PTPN2: variants seen among roughly 807,000 people sequenced by gnomAD.
The protein encoded by PTPN2 is tyrosine-protein phosphatase non-receptor type 2.
In PTPN2, 19 loss-of-function variants were observed where a neutral mutation model predicts 57.3. The ratio of observed to expected loss-of-function variants is 0.33; its 90% confidence interval spans 0.23 to 0.49. The LOEUF is 0.49. Among genes scored for constraint, PTPN2 ranks in the 20% least tolerant of loss-of-function variants. The pLI, the probability that PTPN2 is intolerant of heterozygous loss-of-function variation, is 0.99. For synonymous variants in PTPN2, 153 were observed against 164.9 expected, an observed-to-expected ratio of 0.93 and a Z score of 0.55; for missense variants, 358 against 501.1, an observed-to-expected ratio of 0.71 and a Z score of 2.73.
intron 1 of PTPN2, among the ~76,000 whole-genome samples, chr18:12,873,055 T>C (rs1392427438): frequency 6.6e-6 from 1 of 152,100 alleles, no homozygotes; most frequent in Admixed American, 6.6e-5. Context: ...ACCCCATCTC[T>C]ACTAAAAATA....
At position 12,851,575 on chromosome 18, in the gene PTPN2, T is replaced by C. The variant is rs1051917577; in HGVS notation, c.160+7589A>G. On this transcript the variant is annotated intron_variant, in intron 2 of 8. Transcript: ENST00000309660. ...TGTCTTATTAAGAAGCCCATGAACATGGATTTGTCAATTTCTCCCCAAAAT... is the reference window on the plus strand; with the variant it reads ...TGTCTTATTAAGAAGCCCATGAACACGGATTTGTCAATTTCTCCCCAAAAT... Among the ~76,000 whole-genome samples, 4 of 152,192 alleles carry C rather than the reference T, an allele frequency of 2.6e-5. No individual in the cohort carries two copies. The South Asian group carries it at 8.3e-4, about 32-fold the overall frequency.
At chr18:12,788,541 G>A (rs987098931), downstream of PTPN2, among the ~76,000 whole-genome samples, 3 of 147,958 alleles carry the variant, frequency 2.0e-5, no homozygotes, top group Non-Finnish European at 4.4e-5. Context: ...CCAAAGTACT[G>A]GGATTACAGG....
intron 8 of PTPN2, 23 bp from the exon 9 acceptor site, chr18:12,794,508 G>A (rs996595687): frequency 1.2e-6 from 2 of 1,608,168 alleles, no homozygotes; most frequent in Non-Finnish European, 8.5e-7. Flanking sequence ...AAAAACAAGT[G>A]AAAGGAAGTG....
intron 2 of PTPN2, among the ~76,000 whole-genome samples, chr18:12,849,946 A>T (rs1389204106): frequency 6.6e-6 from 1 of 152,020 alleles, no homozygotes; most frequent in Non-Finnish European, 1.5e-5. Context: ...ACCTGTATTT[A>T]TGTGCCCACT....
intron 1 of PTPN2, among the ~76,000 whole-genome samples, chr18:12,868,365 C>T (rs968994186): frequency 3.9e-5 from 6 of 152,092 alleles, no homozygotes; most frequent in African/African-American, 1.2e-4. Flanking sequence ...GTGAATTCTC[C>T]TGCCTCAGCC....
intron 1 of PTPN2, chr18:12,863,809 A>G (rs2043900614): frequency 6.6e-6 from 1 of 152,206 alleles, no homozygotes; most frequent in Non-Finnish European, 1.5e-5. Flanking sequence ...TTTAAAGTAT[A>G]ATTTAACCAA....
At chr18:12,802,297 T>C in intron 7 of PTPN2, 146 bp from the exon 8 acceptor site, 2 of 656,842 alleles carry the variant, frequency 3.0e-6, no homozygotes, top group Non-Finnish European at 4.9e-6. Flanking sequence ...AAAGGCATTT[T>C]GCCATACTGT....
intron 2 of PTPN2, among the ~76,000 whole-genome samples, chr18:12,858,644 A>G (rs574546252): frequency 1.3e-5 from 2 of 152,348 alleles, no homozygotes; most frequent in Admixed American, 1.3e-4. Flanking sequence ...TTTAAAGTAC[A>G]TGTTTATTTT....
intron 1 of PTPN2, among the ~76,000 whole-genome samples, chr18:12,870,800 C>T (rs1388772007): frequency 1.3e-5 from 2 of 151,808 alleles, no homozygotes; most frequent in Non-Finnish European, 2.9e-5. Flanking sequence ...TGAGCCACCG[C>T]GCCCGGCAGC....
chr18:12,830,823 G>A (rs898023641), intron 4 of PTPN2, 120 bp downstream of exon 4: 9 of 647,978 alleles, frequency 1.4e-5, no homozygotes, highest in African/African-American at 7.3e-5. Context: ...CACTTTGACC[G>A]CTAGCCTTTA....
chr18:12,876,685 G>A (rs78860882), intron 1 of PTPN2, among the ~76,000 whole-genome samples: 1 of 152,134 alleles, frequency 6.6e-6, no homozygotes, highest in Non-Finnish European at 1.5e-5. Context: ...TTTACCTTTT[G>A]AGGGATCACA....
intron 8 of PTPN2, among the ~76,000 whole-genome samples, chr18:12,801,174 A>T (rs1366940475): frequency 6.6e-6 from 1 of 152,232 alleles, no homozygotes; most frequent in East Asian, 1.9e-4. Flanking sequence ...CCTTAAGAAC[A>T]CCTTTGTCAT....
At chr18:12,789,064 A>G (rs1374960710), downstream of PTPN2, among the ~76,000 whole-genome samples, 1 of 152,220 alleles carries the variant, frequency 6.6e-6, no homozygotes, top group Non-Finnish European at 1.5e-5. Context: ...GGAACTGGAG[A>G]GCTCTTGGTA....
intron 4 of PTPN2, 122 bp from the exon 5 acceptor site, chr18:12,826,066 A>G (rs1480935697): frequency 2.7e-6 from 2 of 747,388 alleles, no homozygotes; most frequent in Non-Finnish European, 4.2e-6. Context: ...CCCAAAACTA[A>G]GAAGTCACTA....
At chr18:12,795,299 G>C (rs1051010464) in intron 8 of PTPN2, among the ~76,000 whole-genome samples, 1 of 152,092 alleles carries the variant, frequency 6.6e-6, no homozygotes, top group African/African-American at 2.4e-5. Flanking sequence ...TTGGGGTGGT[G>C]GGGGAGGCGG....
intron 1 of PTPN2, among the ~76,000 whole-genome samples, chr18:12,867,444 AC>A: frequency 6.6e-6 from 1 of 152,292 alleles, no homozygotes; most frequent in East Asian, 1.9e-4. Flanking sequence ...CAGTATCAGT[AC>A]TTTTTTTTTT....
At chr18:12,799,408 C>T (rs564891385) in intron 8 of PTPN2, among the ~76,000 whole-genome samples, 1 of 150,152 alleles carries the variant, frequency 6.7e-6, no homozygotes, top group Admixed American at 6.6e-5. Context: ...CAGAGCAAGA[C>T]TCCGTCTCAG....
In PTPN2 at chr18:12,792,848, C is replaced by T. The variant is rs2041025685; in HGVS notation, c.*1430G>A. On this transcript the variant is annotated 3_prime_UTR_variant, in exon 9 of 9. Transcript: ENST00000309660. ...TCAGGTGATCTGCCCACTTCAGCCT[C>T]CCAAAGTGCTGGGATTACAGGCATG... The T allele has an allele frequency of 2.2e-6, 2 of 893,108 alleles. No homozygotes were observed. Among genetic ancestry groups the T allele is most frequent in the African/African-American group, 3.6e-5 (2 of 55,226 alleles). 55.3% of individuals were successfully genotyped at this position (893,108 alleles called of 1,614,324 possible).
chr18:12,868,556 G>A (rs892398351), intron 1 of PTPN2, among the ~76,000 whole-genome samples: 5 of 148,782 alleles, frequency 3.4e-5, no homozygotes, highest in Non-Finnish European at 3.0e-5. Flanking sequence ...ACCTTCATTT[G>A]TCATAGTTTT....
Sources: allele counts gnomAD v4.1 joint callset (sites outside exome capture counted in the v4.1 genomes callset), GRCh38; gene constraint gnomAD v4.1.1; transcripts MANE v1.5; gene names NCBI Gene and HGNC (gene_info 2026-07-23, HGNC 2026-07-21).